The following AGBL4 variants were observed in gnomAD, a reference collection of about 807,000 sequenced individuals.
AGBL4 encodes the protein AGBL carboxypeptidase 4.
In AGBL4, 58 loss-of-function variants were observed where a neutral mutation model predicts 66.4. That is an observed-to-expected ratio of 0.87 (90% CI 0.71 to 1.09). AGBL4 has a LOEUF of 1.09. Ranked by LOEUF, AGBL4 falls within the 50% of genes least tolerant of loss-of-function variation. The pLI, the probability that AGBL4 is intolerant of heterozygous loss-of-function variation, is 0.00. For missense variants in AGBL4, 579 were observed against 631.0 expected (o/e 0.92, Z 0.88); for synonymous variants, 234 against 222.9 (o/e 1.05, Z -0.44).
intron 3 of AGBL4, among the ~76,000 whole-genome samples, chr1:49,651,271 C>T (rs975556257): frequency 6.6e-6 from 1 of 152,080 alleles, no homozygotes; most frequent in African/African-American, 2.4e-5. Flanking sequence ...TGCAGCGCCC[C>T]CTACCCCTCT....
At chr1:49,602,868 A>T (rs1644988454) in intron 3 of AGBL4, among the ~76,000 whole-genome samples, 2 of 148,136 alleles carry the variant, frequency 1.4e-5, no homozygotes, top group African/African-American at 5.0e-5. Flanking sequence ...AATAAATAAA[A>T]ATCTAGATGA....
chr1:48,866,133 TA>T (rs1648047050), intron 6 of AGBL4, among the ~76,000 whole-genome samples: 1 of 152,116 alleles, frequency 6.6e-6, no homozygotes, highest in Admixed American at 6.5e-5. Flanking sequence ...TTTTATACCC[TA>T]GTTATGTAGA....
At chr1:48,677,771 CT>C (rs1330445360) in intron 6 of AGBL4, among the ~76,000 whole-genome samples, 2 of 152,204 alleles carry the variant, frequency 1.3e-5, no homozygotes, top group Non-Finnish European at 2.9e-5. Context: ...AGAAAAGCCC[CT>C]AGAACAGTGC....
intron 4 of AGBL4, among the ~76,000 whole-genome samples, chr1:49,173,596 A>G (rs2148169181): frequency 6.6e-6 from 1 of 152,384 alleles, no homozygotes; most frequent in African/African-American, 2.4e-5. Flanking sequence ...TTATAGTGGG[A>G]AAAGACTGAC....
intron 6 of AGBL4, among the ~76,000 whole-genome samples, chr1:48,846,908 G>A (rs2148803659): frequency 6.6e-6 from 1 of 152,152 alleles, no homozygotes; most frequent in African/African-American, 2.4e-5. Context: ...CTTAATGAGA[G>A]CATTGATTAC....
At chr1:48,837,670 A>ACACACACACACACG (rs1397462089) in intron 6 of AGBL4, among the ~76,000 whole-genome samples, 6 of 137,270 alleles carry the variant, frequency 4.4e-5, no homozygotes, top group African/African-American at 1.6e-4. Flanking sequence ...ATGAACACAC[A>ACACACACACACACG]CACACACACA....
chr1:49,087,787 C>A (rs1266969363), intron 4 of AGBL4, among the ~76,000 whole-genome samples: 1 of 152,118 alleles, frequency 6.6e-6, no homozygotes, highest in African/African-American at 2.4e-5. Context: ...ACATAGTCAT[C>A]AGATTCTACA....
intron 2 of AGBL4, among the ~76,000 whole-genome samples, chr1:49,849,081 A>G (rs1447113225): frequency 6.6e-6 from 1 of 152,176 alleles, no homozygotes; most frequent in Non-Finnish European, 1.5e-5. Context: ...ATAAACACCT[A>G]ATAAATAACC....
At chr1:49,546,846 G>A (rs1652532140) in intron 3 of AGBL4, among the ~76,000 whole-genome samples, 1 of 152,068 alleles carries the variant, frequency 6.6e-6, no homozygotes, top group African/African-American at 2.4e-5. Context: ...CCCCGTTTTT[G>A]ATGGGATTGT....
intron 1 of AGBL4, among the ~76,000 whole-genome samples, chr1:49,924,971 A>G (rs1652615538): frequency 6.6e-6 from 1 of 152,112 alleles, no homozygotes; most frequent in African/African-American, 2.4e-5. Flanking sequence ...AAGGATGGTA[A>G]CTCCTACTGC....
chr1:48,556,196 A>T (rs1161530714), intron 11 of AGBL4, among the ~76,000 whole-genome samples: 1 of 152,190 alleles, frequency 6.6e-6, no homozygotes, highest in East Asian at 1.9e-4. Context: ...CAGGATGGGT[A>T]TGAGGCTGGC....
chr1:49,036,564 C>T (rs1485822054), intron 5 of AGBL4, among the ~76,000 whole-genome samples: 2 of 151,692 alleles, frequency 1.3e-5, no homozygotes, highest in Non-Finnish European at 2.9e-5. Flanking sequence ...ATATGATTGT[C>T]TTATTTATTT....
chr1:49,667,683 A>G (rs975416947), intron 3 of AGBL4, among the ~76,000 whole-genome samples: 2 of 152,170 alleles, frequency 1.3e-5, no homozygotes, highest in Non-Finnish European at 2.9e-5. Flanking sequence ...ATAGAAAACA[A>G]CCCCATACTA....
chr1:48,964,740 C>A (rs193233470), intron 5 of AGBL4, among the ~76,000 whole-genome samples: 19 of 152,174 alleles, frequency 1.2e-4, no homozygotes, highest in South Asian at 8.3e-4. Context: ...TAAATAAATA[C>A]ATACATACAT....
At chr1:49,813,683 A>T (rs917443107) in intron 2 of AGBL4, among the ~76,000 whole-genome samples, 2 of 152,162 alleles carry the variant, frequency 1.3e-5, no homozygotes, top group African/African-American at 4.8e-5. Context: ...TCCTATTCTC[A>T]GGGAGGTTAC....
At chr1:48,686,185 G>T (rs1369594165) in intron 6 of AGBL4, among the ~76,000 whole-genome samples, 3 of 152,158 alleles carry the variant, frequency 2.0e-5, no homozygotes, top group African/African-American at 7.2e-5. Flanking sequence ...TCTTAGCTTA[G>T]TTATTACCGC....
At chr1:48,681,628 C>T (rs1048384001) in intron 6 of AGBL4, among the ~76,000 whole-genome samples, 12 of 152,182 alleles carry the variant, frequency 7.9e-5, no homozygotes, top group African/African-American at 2.7e-4. Flanking sequence ...GGAATCAGCC[C>T]AGGCTGATGA....
intron 3 of AGBL4, among the ~76,000 whole-genome samples, chr1:49,393,513 T>C (rs1644892608): frequency 6.6e-6 from 1 of 152,202 alleles, no homozygotes; most frequent in Non-Finnish European, 1.5e-5. Flanking sequence ...GACAAGGTCT[T>C]GCCTCTAACA....
At chr1:48,843,354 T>A (rs1646846623) in intron 6 of AGBL4, among the ~76,000 whole-genome samples, 1 of 152,272 alleles carries the variant, frequency 6.6e-6, no homozygotes, top group African/African-American at 2.4e-5. Flanking sequence ...TTTCTAAGGA[T>A]CATGTTTTAA....
Sources: gnomAD v4.1 joint callset for allele counts (sites outside exome capture counted in the v4.1 genomes callset) on GRCh38, gnomAD v4.1.1 for gene constraint, MANE v1.5 for transcripts, NCBI Gene and HGNC (gene_info 2026-07-23, HGNC 2026-07-21) for gene names.